The following GEN1 variants were observed in gnomAD, a reference collection of about 807,000 sequenced individuals.
The protein encoded by GEN1 is GEN1 structure-specific endonuclease, also known as flap endonuclease GEN homolog 1.
GEN1 carries 64 observed loss-of-function variants against 67.6 expected under a neutral mutation model. That is an observed-to-expected ratio of 0.95 (90% CI 0.77 to 1.17). The LOEUF (loss-of-function observed/expected upper bound fraction) is 1.17, where lower values mean the gene tolerates loss of function less well. Ranked by LOEUF, GEN1 falls within the 50% of genes most tolerant of loss-of-function variation. GEN1 has a pLI of 0.00. For synonymous variants in GEN1, 371 were observed against 359.4 expected (o/e 1.03, Z -0.37); for missense variants, 1,058 against 1,048.3 (o/e 1.01, Z -0.13).
At position 17,768,749 on chromosome 2, in the gene GEN1, AG is replaced by A; in HGVS notation, c.649del (p.Val217LeufsTer7). ...CDYLPKGVPG[V>X]GKEQALKLIQ... ...CCACTTTCTGAAAGGGAGTCCCTGG[AG>A]TTGGAAAAGAGCAAGCATTAAAACT... On this transcript the variant is annotated frameshift_variant, in exon 6 of 14. Coordinates refer to ENST00000381254, the MANE Select transcript of GEN1 (RefSeq NM_001130009.3). LOFTEE classifies it high-confidence loss of function. The A allele has an allele frequency of 6.2e-7, 1 of 1,610,542 alleles. No homozygotes were observed. The highest frequency in any genetic ancestry group is 1.7e-4 in the Middle Eastern group (1 of 6,040).
Position 17,756,034 on chromosome 2 carries a change from AT to A in GEN1, c.-16+1698del, listed in dbSNP as rs1054394444. ...AAGCAATACTTTCTGAAATAGAGTG[AT>A]TTTTTTTTATTCCATGCTACCAGTT... On this transcript the variant is annotated intron_variant, in intron 1 of 13. Coordinates refer to ENST00000381254, the MANE Select transcript of GEN1 (RefSeq NM_001130009.3). Among the ~76,000 whole-genome samples the A allele has an allele frequency of 4.6e-5, 7 of 151,930 alleles. No individual in the cohort carries two copies. The East Asian group carries it at 7.7e-4, about 17-fold the overall frequency.
intron 5 of GEN1, 121 bp downstream of exon 5, chr2:17,766,810 A>G: frequency 1.8e-6 from 1 of 570,566 alleles, no homozygotes; most frequent in Non-Finnish European, 3.1e-6. Flanking sequence ...ATATAATTTC[A>G]GGCATAATAA....
chr2:17,759,006 C>T (rs866982763), intron 1 of GEN1, among the ~76,000 whole-genome samples: 4 of 152,166 alleles, frequency 2.6e-5, no homozygotes, highest in Non-Finnish European at 5.9e-5. Context: ...ACCTTTAGAA[C>T]GAACTCTGTT....
At chr2:17,776,115 C>CAAA (rs34705905) in intron 11 of GEN1, among the ~76,000 whole-genome samples, 7 of 80,670 alleles carry the variant, frequency 8.7e-5, no homozygotes, top group African/African-American at 3.2e-4. Flanking sequence ...GACCCTGTCT[C>CAAA]AAAAAAAAAA....
intron 12 of GEN1, among the ~76,000 whole-genome samples, chr2:17,779,616 T>C (rs1037887516): frequency 3.9e-5 from 6 of 152,178 alleles, no homozygotes; most frequent in African/African-American, 1.4e-4. Flanking sequence ...TTTTTTTTTT[T>C]TTGAGATGGA....
chr2:17,755,869 A>G (rs1272046025), intron 1 of GEN1: 1 of 152,214 alleles, frequency 6.6e-6, no homozygotes, highest in Admixed American at 6.5e-5. Context: ...ATAAAAGCTT[A>G]TTAGCTTTTA....
chr2:17,781,772 G>A lies in GEN1; in HGVS notation c.2560G>A (p.Val854Ile). The change falls in exon 14 of 14, where the codon GTC (valine) becomes ATC (isoleucine). Residue 854 changes from valine (V) to isoleucine (I), a missense_variant. Coordinates refer to ENST00000381254, the MANE Select transcript of GEN1 (RefSeq NM_001130009.3). ...ACATATTAAAGAAACTGAACAGTGT[G>A]TCAGATCTTATGAAACAGCTGAAAA... ...KIHIKETEQC[V>I]RSYETAENEE... The A allele has an allele frequency of 6.2e-7, 1 of 1,612,862 alleles. No individual in the cohort carries two copies. The highest frequency in any genetic ancestry group is 1.1e-5 in the South Asian group (1 of 90,768).
Position 17,778,425 on chromosome 2 carries a change from TATATGTATATAC to T in GEN1, c.1264+364_1264+375del, listed in dbSNP as rs1258328984. ...ATATACACACATATATGTGTGTACA[TATATGTATATAC>T]ACACACATATATGTGTGTACATATA... On this transcript the variant is annotated intron_variant, in intron 12 of 13. Coordinates refer to ENST00000381254, the MANE Select transcript of GEN1 (RefSeq NM_001130009.3). Among the ~76,000 whole-genome samples, 73 of 91,258 alleles carry T rather than the reference TATATGTATATAC, an allele frequency of 8.0e-4. 17 individuals carry two copies. Among genetic ancestry groups the T allele is most frequent in the African/African-American group, 2.9e-3 (71 of 24,670 alleles). The allele number at this position is 91,258 out of a possible 152,430, so 59.9% of individuals were successfully genotyped here.
At chr2:17,770,738 A>G (rs1443431514) in intron 6 of GEN1, among the ~76,000 whole-genome samples, 1 of 152,084 alleles carries the variant, frequency 6.6e-6, no homozygotes, top group Non-Finnish European at 1.5e-5. Context: ...GTTTTCACCC[A>G]GAAGATTAAT....
chr2:17,765,017 G>T lies in GEN1; in HGVS notation c.469G>T (p.Asp157Tyr), dbSNP rs139099020. Reference sequence around the variant, plus strand: ...CGATGGCTGCCTCACCAATGATGGAGATACTTTCCTTTATGGGGCCCAGAC... The same window carrying T: ...CGATGGCTGCCTCACCAATGATGGATATACTTTCCTTTATGGGGCCCAGAC... ...HVDGCLTNDG[D>Y]TFLYGAQTVY... The change falls in exon 4 of 14, where the codon GAT becomes TAT. Residue 157 changes from aspartate to tyrosine, a missense_variant. Asp to Tyr is a radical substitution (Grantham distance 160). Transcript: ENST00000381254. 1.2e-6 allele frequency: 2 copies of T among 1,614,030 alleles called. No individual in the cohort carries two copies. Among genetic ancestry groups the T allele is most frequent in the African/African-American group, 2.7e-5 (2 of 74,928 alleles).
At chr2:17,765,473 C>T (rs1046444570) in intron 4 of GEN1, among the ~76,000 whole-genome samples, 7 of 152,156 alleles carry the variant, frequency 4.6e-5, no homozygotes, top group African/African-American at 7.2e-5. Flanking sequence ...GCAAGCAGCC[C>T]GAGTGCTCAT....
intron 11 of GEN1, 62 bp from the exon 12 acceptor site, chr2:17,777,940 G>C (rs763018734): frequency 3.2e-6 from 3 of 946,892 alleles, no homozygotes; most frequent in African/African-American, 1.6e-5. Context: ...ATTCAGGTTA[G>C]AAATGGAAAA....
At position 17,773,093 on chromosome 2, in the gene GEN1, C is replaced by T; in HGVS notation, c.954-3C>T. ...AATAACATGTATATAATTTTTTTTT[C>T]AGGAAAGCTTGCTGTTGTGAGGGAT... On this transcript the variant is annotated splice_polypyrimidine_tract_variant and splice_region_variant and intron_variant, in intron 8 of 13. Coordinates refer to ENST00000381254, the MANE Select transcript of GEN1 (RefSeq NM_001130009.3). The T allele has an allele frequency of 6.4e-7, 1 of 1,561,900 alleles. No homozygotes were observed. Among genetic ancestry groups the T allele is most frequent in the Non-Finnish European group, 8.8e-7 (1 of 1,138,308 alleles).
In GEN1 at chr2:17,781,124, A is replaced by T. The variant is rs1441472632; in HGVS notation, c.1912A>T (p.Arg638Trp). ...AGAACAACTGTCCTGTGAATCAGAA[A>T]GGTACACTGCAAACATAAAGAAAGT... The part of the protein sequence containing the change: ...IPEQLSCESE[R>W]YTANIKKVLD... Residue 638 changes from arginine (R) to tryptophan (W), a missense_variant, in exon 14 of 14, where the codon AGG becomes TGG. By Grantham distance (101) the Arg-to-Trp change is moderately radical. Transcript: ENST00000381254. The T allele has an allele frequency of 6.2e-7, 1 of 1,613,910 alleles. No individual in the cohort carries two copies. The highest frequency in any genetic ancestry group is 1.1e-5 in the South Asian group (1 of 91,068).
At chr2:17,777,553 C>T (rs906954611) in intron 11 of GEN1, among the ~76,000 whole-genome samples, 1 of 152,086 alleles carries the variant, frequency 6.6e-6, no homozygotes, top group African/African-American at 2.4e-5. Flanking sequence ...TATCAGTAAT[C>T]ACCAAAAATG....
chr2:17,772,615 T>A lies in GEN1; in HGVS notation c.803-19T>A, dbSNP rs1672242471. The A allele has an allele frequency of 6.3e-7, 1 of 1,574,852 alleles. No individual in the cohort carries two copies. The highest frequency in any genetic ancestry group is 8.6e-7 in the Non-Finnish European group (1 of 1,163,810). On this transcript the variant is annotated intron_variant, in intron 7 of 13. Transcript: ENST00000381254. ...ATAAAAGGCAAAAAATATTATACTTTTTTTGGGTCTCCATAAAGGTTCACC... is the reference window on the plus strand; with the variant it reads ...ATAAAAGGCAAAAAATATTATACTTATTTTGGGTCTCCATAAAGGTTCACC...
Position 17,768,740 on chromosome 2 carries a change from A to G in GEN1, c.639A>G (p.Gly213=), listed in dbSNP as rs752165713. ...ILLGCDYLPK[G]VPGVGKEQAL... Reference sequence around the variant, plus strand: ...TTTTTTTTCCCACTTTCTGAAAGGGAGTCCCTGGAGTTGGAAAAGAGCAAG... The same window carrying G: ...TTTTTTTTCCCACTTTCTGAAAGGGGGTCCCTGGAGTTGGAAAAGAGCAAG... The change falls in exon 6 of 14, where the codon GGA becomes GGG. Residue 213 remains glycine (G), a splice_region_variant and synonymous_variant. Coordinates refer to ENST00000381254, the MANE Select transcript of GEN1 (RefSeq NM_001130009.3). 6.2e-7 allele frequency: 1 copy of G among 1,608,144 alleles called. No homozygotes were observed. Among genetic ancestry groups the G allele is most frequent in the Non-Finnish European group, 8.5e-7 (1 of 1,175,708 alleles).
intron 3 of GEN1, 24 bp downstream of exon 3, chr2:17,761,606 T>G (rs1259475151): frequency 6.6e-7 from 1 of 1,517,906 alleles, no homozygotes; most frequent in African/African-American, 1.4e-5. Context: ...TTTGATTCAG[T>G]AATTCCGATT....
At position 17,786,252 on chromosome 2, in the gene GEN1, T is replaced by C. The variant is rs549566224; in HGVS notation, c.*4313T>C. The C allele has an allele frequency of 6.6e-6, 1 of 152,336 alleles. No individual in the cohort carries two copies. The highest frequency in any genetic ancestry group is 1.9e-4 in the East Asian group (1 of 5,184). The allele number at this position is 152,336 out of a possible 1,614,324, so 9.4% of individuals were successfully genotyped here. On this transcript the variant is annotated 3_prime_UTR_variant, in exon 14 of 14. Coordinates refer to ENST00000381254, the MANE Select transcript of GEN1 (RefSeq NM_001130009.3). ...ATACCATCATTTGGAAAGAGCACTA[T>C]CAGATTTTGGATTCAAACTGAATGC... is the stretch of plus-strand genomic sequence containing the variant.
Sources: allele counts gnomAD v4.1 joint callset (sites outside exome capture counted in the v4.1 genomes callset), GRCh38; gene constraint gnomAD v4.1.1; transcripts MANE v1.5; gene names NCBI Gene and HGNC (gene_info 2026-07-23, HGNC 2026-07-21).